Variants in SLC2A5 observed in about 807,000 individuals in gnomAD.
The protein encoded by SLC2A5 is solute carrier family 2, facilitated glucose transporter member 5.
SLC2A5 carries 56 observed loss-of-function variants against 50.3 expected under a neutral mutation model. That is an observed-to-expected ratio of 1.11 (90% CI 0.90 to 1.39). SLC2A5 has a LOEUF of 1.39. Among genes scored for constraint, SLC2A5 ranks in the 40% most tolerant of loss-of-function variants. The probability of loss-of-function intolerance (pLI) is 0.00; values close to 1 mark genes in which losing one functional copy is unlikely to be tolerated. For synonymous variants in SLC2A5, 269 were observed against 281.9 expected (o/e 0.95, Z 0.46); for missense variants, 566 against 650.1 (o/e 0.87, Z 1.41).
At position 9,074,886 on chromosome 1, in the gene SLC2A5, G is replaced by T. The variant is rs140758548; in HGVS notation, c.-58-5292C>A. On this transcript the variant is annotated intron_variant, in intron 2 of 5. Transcript: ENST00000464985. ...AAATAATCAAAAATTATCTGGGTGT[G>T]GTGGTGTGCACCTATAGTCCCAGCT... Among the ~76,000 whole-genome samples the T allele has an allele frequency of 6.6e-3, 1,011 of 152,152 alleles. 9 individuals are homozygous for T. Among genetic ancestry groups the T allele is most frequent in the African/African-American group, 0.022 (917 of 41,514 alleles).
chr1:9,071,063 G>C (rs1642201963), upstream of SLC2A5, among the ~76,000 whole-genome samples: 1 of 152,166 alleles, frequency 6.6e-6, no homozygotes, highest in Non-Finnish European at 1.5e-5. Context: ...GGTGGGGAGA[G>C]GAAATCAACG....
intron 1 of SLC2A5, among the ~76,000 whole-genome samples, chr1:9,061,281 C>A (rs1380328989): frequency 4.3e-4 from 48 of 111,422 alleles, no homozygotes; most frequent in Non-Finnish European, 4.1e-4. Flanking sequence ...GACCCTGTCT[C>A]AAAAAAAAAA....
chr1:9,078,535 T>C (rs1044430178), intron 2 of SLC2A5, among the ~76,000 whole-genome samples: 5 of 151,952 alleles, frequency 3.3e-5, no homozygotes, highest in Admixed American at 3.3e-4. Context: ...ATCCCAGAAA[T>C]TACCACTAAC....
upstream of SLC2A5, among the ~76,000 whole-genome samples, chr1:9,091,030 C>T (rs564924373): frequency 6.6e-6 from 1 of 152,320 alleles, no homozygotes; most frequent in Non-Finnish European, 1.5e-5. Flanking sequence ...GATATTCTGT[C>T]AGCACAAAAG....
upstream of SLC2A5, among the ~76,000 whole-genome samples, chr1:9,091,776 C>T (rs1164399575): frequency 6.6e-6 from 1 of 152,122 alleles, no homozygotes; most frequent in Non-Finnish European, 1.5e-5. Flanking sequence ...AAACCCTCCC[C>T]TCAAAGCAGG....
chr1:9,076,678 A>G (rs1031260106), intron 2 of SLC2A5, among the ~76,000 whole-genome samples: 6 of 152,168 alleles, frequency 3.9e-5, no homozygotes, highest in African/African-American at 1.2e-4. Context: ...GGTGAAATCC[A>G]TACAAGTAGA....
chr1:9,072,619 G>C (rs891902913), upstream of SLC2A5, among the ~76,000 whole-genome samples: 4 of 151,986 alleles, frequency 2.6e-5, no homozygotes, highest in African/African-American at 9.7e-5. Flanking sequence ...TTGGTGATAG[G>C]ATGGGGGAGA....
chr1:9,060,095 AACACACACAATAC>A (rs1641879562), intron 1 of SLC2A5, among the ~76,000 whole-genome samples: 1 of 131,204 alleles, frequency 7.6e-6, no homozygotes, highest in Non-Finnish European at 1.6e-5. Flanking sequence ...CTACACACAC[AACACACACAATAC>A]ACACACACTA....
In SLC2A5 at chr1:9,059,132, C is replaced by CTTT. The variant is rs1416919220; in HGVS notation, c.34-885_34-883dup. ...TCTACTCTGATGGACAGCCGCCTTT[C>CTTT]TTTCTTTTTTTTTTTTTTTTTTTTT... On this transcript the variant is annotated intron_variant, in intron 1 of 11. Coordinates refer to ENST00000377424, the MANE Select transcript of SLC2A5 (RefSeq NM_003039.3). Among the ~76,000 whole-genome samples the CTTT allele has an allele frequency of 6.3e-3, 508 of 80,246 alleles. 35 individuals are homozygous for CTTT. The highest frequency in any genetic ancestry group is 7.5e-3 in the African/African-American group (135 of 17,976). The allele number at this position is 80,246 out of a possible 152,430, so 52.6% of individuals were successfully genotyped here. A position where few individuals can be genotyped will look rare whatever the true frequency, so the allele number is the denominator to read the frequency against.
upstream of SLC2A5, among the ~76,000 whole-genome samples, chr1:9,070,190 C>T (rs1181830232): frequency 2.7e-5 from 4 of 146,026 alleles, no homozygotes; most frequent in Non-Finnish European, 6.0e-5. Flanking sequence ...AAGCGATTCT[C>T]CTGCTTCCAC....
chr1:9,047,458 C>G (rs1312419974), intron 4 of SLC2A5, 152 bp downstream of exon 4: 2 of 680,142 alleles, frequency 2.9e-6, no homozygotes, highest in Non-Finnish European at 4.9e-6. Context: ...ACCTGAGAAC[C>G]AGGTAGGGCT....
At chr1:9,088,082 G>A (rs1642422178) in intron 1 of SLC2A5, among the ~76,000 whole-genome samples, 1 of 152,048 alleles carries the variant, frequency 6.6e-6, no homozygotes, top group Admixed American at 6.6e-5. Flanking sequence ...ATAGCAAAAG[G>A]CAAGAGATTC....
upstream of SLC2A5, among the ~76,000 whole-genome samples, chr1:9,070,509 T>G (rs1406746779): frequency 2.0e-5 from 3 of 152,148 alleles, no homozygotes. Context: ...GAGTCACACC[T>G]GCTGGTCCGG....
intron 2 of SLC2A5, among the ~76,000 whole-genome samples, chr1:9,077,887 G>A (rs1642311255): frequency 6.6e-6 from 1 of 151,964 alleles, no homozygotes; most frequent in Non-Finnish European, 1.5e-5. Flanking sequence ...CTTTGTGTGA[G>A]AAAGAATTCA....
In SLC2A5 at chr1:9,054,414, G is replaced by A. The variant is rs377632370; in HGVS notation, c.293+3034C>T. ...CCTCAGGTTAATTTATAAATTCAGA[G>A]CAATGCCAGTCAGAATCTTTCTTCC... On this transcript the variant is annotated intron_variant, in intron 3 of 11. Coordinates refer to ENST00000377424, the MANE Select transcript of SLC2A5 (RefSeq NM_003039.3). Among the ~76,000 whole-genome samples the A allele has an allele frequency of 5.9e-5, 9 of 152,156 alleles. No homozygotes were observed. In the East Asian group the frequency reaches 1.7e-3, roughly 29 times the overall value.
At chr1:9,086,886 A>T (rs1642406606) in intron 1 of SLC2A5, among the ~76,000 whole-genome samples, 1 of 152,272 alleles carries the variant, frequency 6.6e-6, no homozygotes, top group Admixed American at 6.5e-5. Flanking sequence ...CAGCCCCAAA[A>T]CATCAGCCTA....
chr1:9,040,059 G>C lies in SLC2A5; in HGVS notation c.697+5C>G, dbSNP rs759464202. 17 of 1,586,616 alleles carry C rather than the reference G, an allele frequency of 1.1e-5. No homozygotes were observed. Among genetic ancestry groups the C allele is most frequent in the African/African-American group, 1.3e-5 (1 of 74,140 alleles). ...GGAGGCCGCCCCCGCCAGAGCCCTC[G>C]TTACCTTTCTTGGCGGCCGCTTCGT... On this transcript the variant is annotated splice_donor_5th_base_variant and intron_variant, in intron 6 of 11. Coordinates refer to ENST00000377424, the MANE Select transcript of SLC2A5 (RefSeq NM_003039.3). The surrounding 1 kb of genome is among the most constrained non-coding windows in gnomAD (Gnocchi z 4.3).
At chr1:9,046,382 A>G (rs1276724884) in intron 4 of SLC2A5, among the ~76,000 whole-genome samples, 1 of 152,204 alleles carries the variant, frequency 6.6e-6, no homozygotes, top group Non-Finnish European at 1.5e-5. Flanking sequence ...ACAGCCTGGC[A>G]GCCTAGGCTT....
rs1402113084 is a variant in SLC2A5 at position 9,041,929 on chromosome 1, AAGATACACCTGGGAGGAGGTGAAAT to A, written c.419-17_426del. On this transcript the variant is annotated splice_acceptor_variant and splice_polypyrimidine_tract_variant and coding_sequence_variant and intron_variant, in exon 5 of 12. Transcript: ENST00000377424. LOFTEE classifies it high-confidence loss of function. Reference sequence around the variant, plus strand: ...CCTAAGTACATGGGGACCACGTTGGAAGATACACCTGGGAGGAGGTGAAATAGAAACACCATCAGAAAAAATTAGT... The same window carrying A: ...CCTAAGTACATGGGGACCACGTTGGAAGAAACACCATCAGAAAAAATTAGT... 5 of 1,603,638 alleles carry A rather than the reference AAGATACACCTGGGAGGAGGTGAAAT, an allele frequency of 3.1e-6. 1 individual carries two copies. The highest frequency in any genetic ancestry group is 4.3e-6 in the Non-Finnish European group (5 of 1,175,292).
Sources: gnomAD v4.1 joint callset for allele counts (sites outside exome capture counted in the v4.1 genomes callset) on GRCh38, gnomAD v4.1.1 for gene constraint, Gnocchi (gnomAD v3.1) non-coding constraint, MANE v1.5 for transcripts, NCBI Gene and HGNC (gene_info 2026-07-23, HGNC 2026-07-21) for gene names.